Variants in DIP2C observed in about 807,000 individuals in gnomAD.
DIP2C encodes the protein disco-interacting protein 2 homolog C.
A neutral mutation model predicts 192.4 loss-of-function variants in DIP2C; 33 were observed. The ratio of observed to expected loss-of-function variants is 0.17; its 90% CI spans 0.13 to 0.23. The LOEUF is 0.23. Ranked by LOEUF, DIP2C falls within the 10% of genes least tolerant of loss-of-function variation. DIP2C has a pLI of 1.00. For missense variants in DIP2C, 1,537 were observed against 2,110.1 expected (o/e 0.73, Z 5.32); for synonymous variants, 979 against 864.1 (o/e 1.13, Z -2.33).
intron 1 of DIP2C, among the ~76,000 whole-genome samples, chr10:529,121 C>T (rs1194802704): frequency 1.3e-5 from 2 of 152,164 alleles, no homozygotes; most frequent in African/African-American, 4.8e-5. Context: ...TCCGTTCAAT[C>T]CCACAATCTG....
Position 650,421 on chromosome 10 carries a change from G to A in DIP2C, c.85+39073C>T, listed in dbSNP as rs537817244. 7.4e-5 allele frequency: 53 copies of A among 713,524 alleles called. No individual in the cohort carries two copies. In the East Asian group the frequency reaches 8.6e-4, roughly 12 times the overall value. The allele number at this position is 713,524 out of a possible 1,614,324, so 44.2% of individuals were successfully genotyped here. ...CCAGACCAACACGAGAAGAACGCAG[G>A]CCGACAACATCTTCATCTATGGTAG... On this transcript the variant is annotated intron_variant, in intron 1 of 36. Transcript: ENST00000280886.
intron 1 of DIP2C, among the ~76,000 whole-genome samples, chr10:492,389 A>AC (rs1341115820): frequency 6.6e-6 from 1 of 151,744 alleles, no homozygotes; most frequent in Non-Finnish European, 1.5e-5. Context: ...TGTGCCCATC[A>AC]CCCCCTCATT....
intron 3 of DIP2C, among the ~76,000 whole-genome samples, chr10:444,059 T>C (rs1443697021): frequency 6.6e-6 from 1 of 152,210 alleles, no homozygotes; most frequent in Admixed American, 6.5e-5. Flanking sequence ...CACTGTTCAT[T>C]CATGAGGCGT....
At chr10:462,401 T>TGCAA (rs1969862646) in intron 3 of DIP2C, among the ~76,000 whole-genome samples, 1 of 152,178 alleles carries the variant, frequency 6.6e-6, no homozygotes, top group African/African-American at 2.4e-5. Context: ...AACATCTCTA[T>TGCAA]GCAAATAAAC....
chr10:281,112 C>T, intron 36 of DIP2C, 88 bp downstream of exon 36: 1 of 1,555,046 alleles, frequency 6.4e-7, no homozygotes, highest in African/African-American at 1.4e-5. Context: ...CTTAACAAAA[C>T]TCTCCTCCAC....
chr10:418,643 A>C (rs7073298), intron 6 of DIP2C, among the ~76,000 whole-genome samples: 1 of 152,208 alleles, frequency 6.6e-6, no homozygotes, highest in African/African-American at 2.4e-5. Context: ...TCTTTCCTCC[A>C]AAGTCTAAAG....
intron 25 of DIP2C, 111 bp downstream of exon 25, chr10:349,220 C>G: frequency 6.9e-7 from 1 of 1,451,998 alleles, no homozygotes; most frequent in Non-Finnish European, 9.2e-7. Flanking sequence ...AGTGCAGACT[C>G]CCAGCCATGA....
chr10:327,657 C>G (rs1957336088), intron 30 of DIP2C, among the ~76,000 whole-genome samples: 1 of 152,134 alleles, frequency 6.6e-6, no homozygotes, highest in Non-Finnish European at 1.5e-5. Flanking sequence ...TTGTGGTCTC[C>G]CAAGTAGCTG....
chr10:363,643 C>T lies in DIP2C; in HGVS notation c.2478-332G>A, dbSNP rs1385251620. Among the ~76,000 whole-genome samples, 1 of 152,206 alleles carries T rather than the reference C, an allele frequency of 6.6e-6. No individual in the cohort carries two copies. Among genetic ancestry groups the T allele is most frequent in the Admixed American group, 6.5e-5 (1 of 15,284 alleles). On this transcript the variant is annotated intron_variant, in intron 20 of 36. Coordinates refer to ENST00000280886, the MANE Select transcript of DIP2C (RefSeq NM_014974.3). This position sits in a 1 kb window ranked among gnomAD's most constrained non-coding sequence, Gnocchi z 5.4. ...CTGAAATTTAGGGAGTCACACCCTT[C>T]ACAGCTCGAGTTTGCACCCGTGAAG...
chr10:522,041 C>A (rs368395438), intron 1 of DIP2C, among the ~76,000 whole-genome samples: 1 of 152,050 alleles, frequency 6.6e-6, no homozygotes, highest in East Asian at 1.9e-4. Flanking sequence ...CAGCCCCACA[C>A]GGAGTTGCTT....
At chr10:648,383 G>A (rs1446603059) in intron 1 of DIP2C, among the ~76,000 whole-genome samples, 1 of 151,032 alleles carries the variant, frequency 6.6e-6, no homozygotes, top group Non-Finnish European at 1.5e-5. Context: ...CGTCCACACT[G>A]GATGGTGGGC....
Position 508,538 on chromosome 10 carries a change from G to A in DIP2C, c.86-22008C>T, listed in dbSNP as rs780464420. Among the ~76,000 whole-genome samples, 10 of 152,302 alleles carry A rather than the reference G, an allele frequency of 6.6e-5. No individual in the cohort carries two copies. In the East Asian group the frequency reaches 1.5e-3, roughly 24 times the overall value. On this transcript the variant is annotated intron_variant, in intron 1 of 36. Coordinates refer to ENST00000280886, the MANE Select transcript of DIP2C (RefSeq NM_014974.3). ...GCACTGTTACCATTGTGCTGGTTCC[G>A]GATTTCCTGTGAGCCGCTAAGCTCT... is the stretch of plus-strand genomic sequence containing the variant.
chr10:541,136 C>T (rs543404480), intron 1 of DIP2C, among the ~76,000 whole-genome samples: 3 of 150,904 alleles, frequency 2.0e-5, no homozygotes, highest in African/African-American at 4.9e-5. Context: ...CCACAACACC[C>T]GATGCTTGGG....
intron 1 of DIP2C, among the ~76,000 whole-genome samples, chr10:576,324 T>C (rs1286527821): frequency 1.3e-5 from 2 of 152,190 alleles, no homozygotes; most frequent in African/African-American, 2.4e-5. Flanking sequence ...ACTCACTGAC[T>C]CTTGACAATT....
rs1271742791 is a variant in DIP2C, at chr10:580,318, C to T, written c.86-93788G>A. ...ATGCGTACATTAGTGTGCACATATC[C>T]ACAAGTTTATTCAGTGTGCGTAGTG... On this transcript the variant is annotated intron_variant, in intron 1 of 36. Transcript: ENST00000280886. 1.3e-5 allele frequency among the ~76,000 whole-genome samples: 2 copies of T among 150,212 alleles called. 1 individual carries two copies. The highest frequency in any genetic ancestry group is 4.8e-5 in the African/African-American group (2 of 41,248).
At chr10:507,759 A>G (rs1176497206) in intron 1 of DIP2C, among the ~76,000 whole-genome samples, 1 of 152,202 alleles carries the variant, frequency 6.6e-6, no homozygotes, top group East Asian at 1.9e-4. Context: ...AGGTTAGAGC[A>G]TTCCAGCCCA....
chr10:481,919 G>A (rs975007285), intron 2 of DIP2C, among the ~76,000 whole-genome samples: 30 of 152,212 alleles, frequency 2.0e-4, no homozygotes, highest in African/African-American at 5.5e-4. Flanking sequence ...TCCACTTTCC[G>A]TGAGCAGGCA....
At chr10:376,299 G>A (rs1267064291) in intron 17 of DIP2C, among the ~76,000 whole-genome samples, 3 of 141,324 alleles carry the variant, frequency 2.1e-5, no homozygotes, top group Admixed American at 7.2e-5. Context: ...CTCGGCCCCC[G>A]ACGGAGCCGG....
intron 33 of DIP2C, among the ~76,000 whole-genome samples, chr10:287,669 GAAAA>G (rs34102226): frequency 1.6e-5 from 2 of 124,042 alleles, no homozygotes. Flanking sequence ...GGCCGAAACG[GAAAA>G]AAAAAAAAAA....
Sources: allele counts gnomAD v4.1 joint callset (sites outside exome capture counted in the v4.1 genomes callset), GRCh38; gene constraint gnomAD v4.1.1; non-coding constraint Gnocchi (gnomAD v3.1); transcripts MANE v1.5; gene names NCBI Gene and HGNC (gene_info 2026-07-23, HGNC 2026-07-21).